Variants in GLIS3 observed in about 807,000 individuals in gnomAD.
GLIS3 encodes GLIS family zinc finger 3.
Under a neutral mutation model 78.6 loss-of-function variants are expected in GLIS3, and 53 were observed. That is an observed-to-expected ratio of 0.67 (90% confidence interval 0.54 to 0.85). The LOEUF (loss-of-function observed/expected upper bound fraction) is 0.85, where lower values mean the gene tolerates loss of function less well. GLIS3 is among the 40% of genes least tolerant of loss of function. GLIS3 has a pLI of 0.00. For missense variants in GLIS3, 1,703 were observed against 1,231.1 expected (o/e 1.38, Z -5.74); for synonymous variants, 684 against 509.9 (o/e 1.34, Z -4.60).
rs552274823 is a variant in GLIS3, at chr9:4,073,773, T to C, written c.1710+43995A>G. On this transcript the variant is annotated intron_variant, in intron 4 of 10. Coordinates refer to ENST00000381971, the MANE Select transcript of GLIS3 (RefSeq NM_001042413.2). ...TCAGTTTCTTCATCTCTCATATGGG[T>C]ATAATAATGAGTTACTAGAAATTGT... Among the ~76,000 whole-genome samples, 4 of 152,134 alleles carry C rather than the reference T, an allele frequency of 2.6e-5. No individual in the cohort carries two copies. In the South Asian group the frequency reaches 6.2e-4, roughly 24 times the overall value.
intron 4 of GLIS3, chr9:4,035,785 G>A (rs775625551): frequency 6.6e-6 from 1 of 152,154 alleles, no homozygotes; most frequent in African/African-American, 2.4e-5. Context: ...TCCTGTACTT[G>A]ACCCAAACGA....
chr9:3,995,207 G>A (rs946429137), intron 4 of GLIS3, among the ~76,000 whole-genome samples: 3 of 152,070 alleles, frequency 2.0e-5, no homozygotes, highest in African/African-American at 7.2e-5. Flanking sequence ...GTCTCTTAAG[G>A]ATTTTTAACC....
intron 6 of GLIS3, among the ~76,000 whole-genome samples, chr9:3,920,074 G>C (rs961669095): frequency 6.7e-6 from 1 of 148,176 alleles, no homozygotes; most frequent in Non-Finnish European, 1.5e-5. Context: ...CACGGTCTCG[G>C]CTCACTGCAA....
At chr9:4,389,057 C>T in the GLIS3 span, among the ~76,000 whole-genome samples, 2 of 152,198 alleles carry the variant, frequency 1.3e-5, no homozygotes, top group African/African-American at 2.4e-5. Flanking sequence ...GGTGCCACAG[C>T]CTCCGTAAGC....
chr9:4,277,032 A>C (rs771373791), intron 2 of GLIS3, among the ~76,000 whole-genome samples: 27 of 152,198 alleles, frequency 1.8e-4, no homozygotes, highest in Non-Finnish European at 3.5e-4. Flanking sequence ...CAGAAGTGAA[A>C]AAAAAATAAC....
At chr9:4,488,706 C>T in the GLIS3 span, among the ~76,000 whole-genome samples, 2 of 151,646 alleles carry the variant, frequency 1.3e-5, no homozygotes, top group African/African-American at 4.8e-5. Flanking sequence ...TTTTGGTAGA[C>T]GGGATTTCCC....
intron 2 of GLIS3, among the ~76,000 whole-genome samples, chr9:4,281,540 C>G (rs1295360088): frequency 1.3e-5 from 2 of 152,182 alleles, no homozygotes; most frequent in South Asian, 4.1e-4. Flanking sequence ...CAATACGTGT[C>G]CTTTTGTGAC....
Position 4,286,026 on chromosome 9 carries a change from A to G in GLIS3, c.388+12T>C. 6.2e-7 allele frequency: 1 copy of G among 1,614,150 alleles called. No individual in the cohort carries two copies. The highest frequency in any genetic ancestry group is 8.5e-7 in the Non-Finnish European group (1 of 1,180,024). On this transcript the variant is annotated intron_variant, in intron 2 of 10. Coordinates refer to ENST00000381971, the MANE Select transcript of GLIS3 (RefSeq NM_001042413.2). ...TTTCCATTTTTAAAAGGTTCCAGAA[A>G]GACAATCCTACCTTTCCCAGGATTT...
At chr9:4,343,631 C>G (rs757515012) in intron 2 of GLIS3, among the ~76,000 whole-genome samples, 3 of 152,302 alleles carry the variant, frequency 2.0e-5, no homozygotes, top group East Asian at 3.9e-4. Context: ...TATCACAGCA[C>G]TAGTCACAAT....
At chr9:4,007,897 T>TGG (rs397893258) in intron 4 of GLIS3, among the ~76,000 whole-genome samples, 13 of 40,840 alleles carry the variant, frequency 3.2e-4, no homozygotes, top group East Asian at 1.6e-3. Flanking sequence ...GGGTGGGCGT[T>TGG]GGGGGGGGGG....
At chr9:4,331,149 C>CA (rs1817679200) in intron 2 of GLIS3, among the ~76,000 whole-genome samples, 1 of 152,162 alleles carries the variant, frequency 6.6e-6, no homozygotes, top group Admixed American at 6.5e-5. Context: ...CTCAAGTTGT[C>CA]AGCAGGCCCA....
intron 8 of GLIS3, among the ~76,000 whole-genome samples, chr9:3,868,492 A>G (rs1409416002): frequency 3.3e-5 from 5 of 152,222 alleles, no homozygotes; most frequent in African/African-American, 7.2e-5. Flanking sequence ...GGAAAATAAC[A>G]TAATCCCTAT....
intron 4 of GLIS3, among the ~76,000 whole-genome samples, chr9:4,100,478 A>G (rs1359632271): frequency 6.6e-6 from 1 of 152,258 alleles, no homozygotes; most frequent in Non-Finnish European, 1.5e-5. Flanking sequence ...CCATGAAAAT[A>G]TGATTCAGAG....
intron 2 of GLIS3, among the ~76,000 whole-genome samples, chr9:4,314,409 G>GA (rs1817408940): frequency 6.6e-6 from 1 of 151,992 alleles, no homozygotes; most frequent in South Asian, 2.1e-4. Flanking sequence ...CCCACTCCAT[G>GA]CAAAAAAAGA....
At chr9:4,487,792 A>G in the GLIS3 span, among the ~76,000 whole-genome samples, 1 of 151,918 alleles carries the variant, frequency 6.6e-6, no homozygotes, top group Non-Finnish European at 1.5e-5. Flanking sequence ...GGCTCAAACT[A>G]TCCTCTTGCC....
At chr9:4,251,381 G>C (rs1824363358) in intron 2 of GLIS3, among the ~76,000 whole-genome samples, 1 of 148,972 alleles carries the variant, frequency 6.7e-6, no homozygotes, top group African/African-American at 2.5e-5. Context: ...TATCTTTTTT[G>C]ATCTTTGTTG....
At chr9:4,053,424 G>A (rs1411209542) in intron 4 of GLIS3, among the ~76,000 whole-genome samples, 1 of 152,034 alleles carries the variant, frequency 6.6e-6, no homozygotes, top group Non-Finnish European at 1.5e-5. Context: ...TGACATCATT[G>A]TTTCAATCTC....
upstream of GLIS3, among the ~76,000 whole-genome samples, chr9:4,349,938 T>C (rs1177173303): frequency 1.3e-5 from 2 of 152,210 alleles, no homozygotes; most frequent in African/African-American, 4.8e-5. Context: ...AAGAGTGAGA[T>C]AATCTGCTGC....
intron 7 of GLIS3, among the ~76,000 whole-genome samples, chr9:3,882,172 A>G (rs944653567): frequency 6.6e-6 from 1 of 152,176 alleles, no homozygotes; most frequent in African/African-American, 2.4e-5. Flanking sequence ...GGTATCTCCA[A>G]ACAGCATCAG....
Sources: gnomAD v4.1 joint callset for allele counts (sites outside exome capture counted in the v4.1 genomes callset) on GRCh38, gnomAD v4.1.1 for gene constraint, MANE v1.5 for transcripts, NCBI Gene and HGNC (gene_info 2026-07-23, HGNC 2026-07-21) for gene names.